ALS2CL: variants seen among roughly 807,000 people sequenced by gnomAD.
ALS2CL encodes ALS2 C-terminal like.
A neutral mutation model predicts 127.9 loss-of-function variants in ALS2CL; 112 were observed. That is an observed-to-expected ratio of 0.88 (90% CI 0.75 to 1.02). The LOEUF (loss-of-function observed/expected upper bound fraction) is 1.02, where lower values mean the gene tolerates loss of function less well. Among genes scored for constraint, ALS2CL ranks in the 50% least tolerant of loss-of-function variants. The probability of loss-of-function intolerance (pLI) is 0.00; values close to 1 mark genes in which losing one functional copy is unlikely to be tolerated. For missense variants in ALS2CL, 1,174 were observed against 1,236.7 expected (o/e 0.95, Z 0.76); for synonymous variants, 519 against 527.6 (o/e 0.98, Z 0.22).
chr3:46,685,469 GCCAGACC>G, intron 7 of ALS2CL, 49 bp downstream of exon 7: 1 of 1,591,604 alleles, frequency 6.3e-7, no homozygotes, highest in South Asian at 1.1e-5. Flanking sequence ...TCCTTTTCCA[GCCAGACC>G]CCAGAACCCT....
chr3:46,676,717 C>A lies in ALS2CL; in HGVS notation c.1953G>T (p.Val651=). ...CCTCCAGGATGTCTTCCATACTGCC[C>A]ACACTGTCCTCAGGGTGGGTCCTGG... The part of the protein sequence containing the change: ...SCERTHPEDS[V]GSMEDILEEL... The change falls in exon 18 of 26, where the codon GTG becomes GTT. Residue 651 remains valine, a synonymous_variant. Transcript: ENST00000318962. 1 of 1,613,714 alleles carries A rather than the reference C, an allele frequency of 6.2e-7. No homozygotes were observed. The highest frequency in any genetic ancestry group is 8.5e-7 in the Non-Finnish European group (1 of 1,179,980).
At chr3:46,674,778 G>C (rs1698678887) in intron 20 of ALS2CL, 39 bp from the exon 21 acceptor site, 14 of 1,545,284 alleles carry the variant, frequency 9.1e-6, no homozygotes, top group Non-Finnish European at 1.2e-5. Flanking sequence ...TGAGCAAGGT[G>C]GGGTCTGGGA....
chr3:46,679,031 C>G (rs951012090), intron 15 of ALS2CL, among the ~76,000 whole-genome samples, 179 bp downstream of exon 15: 3 of 152,182 alleles, frequency 2.0e-5, no homozygotes, highest in Non-Finnish European at 4.4e-5. Context: ...CCTCTCACCT[C>G]ACTCCAGAAT....
In ALS2CL at chr3:46,677,167, A is replaced by G. The variant is rs78124371; in HGVS notation, c.1758-145T>C. ...GAAGGGTGGATGGATTGAACCATGC[A>G]GAGGGGGCTGACCTCCACGGCTCCA... On this transcript the variant is annotated intron_variant, in intron 16 of 25. Transcript: ENST00000318962. The G allele has an allele frequency of 7.5e-4, 1,081 of 1,447,734 alleles. 6 individuals carry two copies. The African/African-American group carries it at 0.014, about 18-fold the overall frequency. 89.7% of individuals were successfully genotyped at this position (1,447,734 alleles called of 1,614,324 possible).
intron 1 of ALS2CL, among the ~76,000 whole-genome samples, chr3:46,691,441 G>A (rs945952668): frequency 2.0e-5 from 3 of 152,004 alleles, no homozygotes; most frequent in South Asian, 2.1e-4. Context: ...TACACTCTCC[G>A]GGGGGCCAGC....
At position 46,689,210 on chromosome 3, in the gene ALS2CL, T is replaced by C. The variant is rs1261958571; in HGVS notation, c.103+128A>G. On this transcript the variant is annotated intron_variant, in intron 2 of 25. Coordinates refer to ENST00000318962, the MANE Select transcript of ALS2CL (RefSeq NM_147129.5). ...CACCACCTGCATCAGAAGATGCTGATACCAGGTGTCACCACTCCTATTTGA... is the reference window on the plus strand; with the variant it reads ...CACCACCTGCATCAGAAGATGCTGACACCAGGTGTCACCACTCCTATTTGA... 6 of 921,072 alleles carry C rather than the reference T, an allele frequency of 6.5e-6. No homozygotes were observed. The African/African-American group carries it at 8.2e-5, about 13-fold the overall frequency. The allele number at this position is 921,072 out of a possible 1,614,324, so 57.1% of individuals were successfully genotyped here.
At chr3:46,689,281 T>C in intron 2 of ALS2CL, 57 bp downstream of exon 2, 1 of 1,566,418 alleles carries the variant, frequency 6.4e-7, no homozygotes, top group Non-Finnish European at 8.7e-7. Flanking sequence ...GTAGGTCTCC[T>C]GTCCCTGGGA....
intron 16 of ALS2CL, chr3:46,677,566 CT>C (rs1321872473): frequency 4.7e-6 from 1 of 210,698 alleles, no homozygotes; most frequent in African/African-American, 2.4e-5. Flanking sequence ...CCAGCTCCTG[CT>C]GTCAGGGAGA....
chr3:46,673,437 G>A, intron 21 of ALS2CL, 56 bp from the exon 22 acceptor site: 1 of 1,525,214 alleles, frequency 6.6e-7, no homozygotes, highest in South Asian at 1.2e-5. Context: ...CAGAGTCTGA[G>A]GTCAGAGGGC....
intron 1 of ALS2CL, among the ~76,000 whole-genome samples, chr3:46,693,200 C>T (rs1209599644): frequency 6.6e-6 from 1 of 152,270 alleles, no homozygotes; most frequent in South Asian, 2.1e-4. Flanking sequence ...CCCTTCCTCT[C>T]CCTGCCCAGG....
At position 46,688,231 on chromosome 3, in the gene ALS2CL, A is replaced by C; in HGVS notation, c.169T>G (p.Ser57Ala). The change falls in exon 3 of 26, where the codon TCC becomes GCC. Residue 57 changes from serine (S) to alanine (A), a missense_variant. By Grantham distance (99) the Ser-to-Ala change is moderately conservative. Coordinates refer to ENST00000318962, the MANE Select transcript of ALS2CL (RefSeq NM_147129.5). ...LRLLQQLHKS[S>A]QQLWEVTEES... ...TCCGTCACCTCCCAGAGTTGCTGGG[A>C]GCTCTTGTGCAGCTGTTGCAAGAGC... is the stretch of plus-strand genomic sequence containing the variant. 6.2e-7 allele frequency: 1 copy of C among 1,612,882 alleles called. No individual in the cohort carries two copies. Among genetic ancestry groups the C allele is most frequent in the Non-Finnish European group, 8.5e-7 (1 of 1,179,976 alleles).
intron 19 of ALS2CL, chr3:46,675,971 C>A: frequency 7.0e-7 from 1 of 1,423,276 alleles, no homozygotes. Context: ...CAGGGCCAAG[C>A]TCAGCCTACA....
rs144978241 is a variant in ALS2CL, at chr3:46,688,120, G to A, written c.280C>T (p.Arg94Cys). 6 of 1,613,182 alleles carry A rather than the reference G, an allele frequency of 3.7e-6. No individual in the cohort carries two copies. Among genetic ancestry groups the A allele is most frequent in the South Asian group, 2.2e-5 (2 of 91,076 alleles). Residue 94 changes from arginine (R) to cysteine (C), a missense_variant, in exon 3 of 26, where the codon CGT (arginine) becomes TGT (cysteine). Arg to Cys is a radical substitution (Grantham distance 180, BLOSUM62 -3). Coordinates refer to ENST00000318962, the MANE Select transcript of ALS2CL (RefSeq NM_147129.5). Reference protein sequence around the residue: ...ESLLLLRGADRVLQAHIEYIE... With the variant: ...ESLLLLRGADCVLQAHIEYIE... ...TACTCTATGTGGGCCTGCAGTACACGGTCAGCACCTCGCAGCAGCAGCAGG... is the reference window on the plus strand; with the variant it reads ...TACTCTATGTGGGCCTGCAGTACACAGTCAGCACCTCGCAGCAGCAGCAGG...
chr3:46,681,251 A>G lies in ALS2CL; in HGVS notation c.1431T>C (p.Gly477=). The G allele has an allele frequency of 6.2e-7, 1 of 1,613,726 alleles. No homozygotes were observed. Among genetic ancestry groups the G allele is most frequent in the Non-Finnish European group, 8.5e-7 (1 of 1,179,940 alleles). ...GGTGGCTGCAGGGCGCTCACCTGTC[A>G]CCATCCTCCTCAATGCCATAGCCGC... ...QRSGYGIEED[G]DRGERYIGMW... The change falls in exon 13 of 26, where the codon GGT becomes GGC. Residue 477 remains glycine (G), a synonymous_variant. Coordinates refer to ENST00000318962, the MANE Select transcript of ALS2CL (RefSeq NM_147129.5). This position sits in a 1 kb window ranked among gnomAD's most constrained non-coding sequence, Gnocchi z 4.9.
chr3:46,689,620 G>A (rs1296891806), intron 1 of ALS2CL, among the ~76,000 whole-genome samples, 155 bp from the exon 2 acceptor site: 1 of 152,246 alleles, frequency 6.6e-6, no homozygotes, highest in Non-Finnish European at 1.5e-5. Flanking sequence ...TCCTGGACTG[G>A]CCACTGACCT....
At position 46,670,908 on chromosome 3, in the gene ALS2CL, G is replaced by GC; in HGVS notation, c.*75dup. ...AGAGCTGCTTCTGAGGGCCTGTCCT[G>GC]CCCCTTGCCTTGGGTAATGAGGGAC... On this transcript the variant is annotated 3_prime_UTR_variant, in exon 26 of 26. Coordinates refer to ENST00000318962, the MANE Select transcript of ALS2CL (RefSeq NM_147129.5). The surrounding 1 kb of genome is among the most constrained non-coding windows in gnomAD (Gnocchi z 5.5). 4 of 1,457,856 alleles carry GC rather than the reference G, an allele frequency of 2.7e-6. No homozygotes were observed. The highest frequency in any genetic ancestry group is 2.9e-6 in the Non-Finnish European group (3 of 1,040,608). The allele number at this position is 1,457,856 out of a possible 1,614,324, so 90.3% of individuals were successfully genotyped here. A position where few individuals can be genotyped will look rare whatever the true frequency, so the allele number is the denominator to read the frequency against.
chr3:46,672,030 G>A lies in ALS2CL; in HGVS notation c.2538C>T (p.Thr846=). 6.2e-7 allele frequency: 1 copy of A among 1,613,930 alleles called. No homozygotes were observed. The highest frequency in any genetic ancestry group is 8.5e-7 in the Non-Finnish European group (1 of 1,180,014). The change falls in exon 24 of 26, where the codon ACC becomes ACT. Residue 846 remains threonine, a synonymous_variant. Transcript: ENST00000318962. Reference sequence around the variant, plus strand: ...CCAGCTTCTCCCGTGGGTCCACCGTGGTCCTGCAGCAGGGTAGCTGGCTCC... The same window carrying A: ...CCAGCTTCTCCCGTGGGTCCACCGTAGTCCTGCAGCAGGGTAGCTGGCTCC... ...SATECLQKIM[T]TVDPREKLEV...
Position 46,687,037 on chromosome 3 carries a change from AT to A in ALS2CL, c.479del (p.His160LeufsTer11), listed in dbSNP as rs749336356. On this transcript the variant is annotated frameshift_variant, in exon 5 of 26. Transcript: ENST00000318962. LOFTEE classifies it high-confidence loss of function. ...LGQALHQPLA[H>X]HVQQYVLLLL... is the part of the protein sequence containing the mutation. Reference sequence around the variant, plus strand: ...GGAGGAGCACGTACTGTTGCACGTGATGGGCGAGTGGCTGGTGGAGGGCCTG... The same window carrying A: ...GGAGGAGCACGTACTGTTGCACGTGAGGGCGAGTGGCTGGTGGAGGGCCTG... The A allele has an allele frequency of 4.4e-5, 71 of 1,605,048 alleles. No individual in the cohort carries two copies. Among genetic ancestry groups the A allele is most frequent in the Non-Finnish European group, 5.5e-5 (65 of 1,179,124 alleles).
rs1469560042 is a variant in ALS2CL at position 46,679,208 on chromosome 3, A to C, written c.1626+2T>G. 11 of 1,560,168 alleles carry C rather than the reference A, an allele frequency of 7.1e-6. No individual in the cohort carries two copies. In the African/African-American group the frequency reaches 8.2e-5, roughly 12 times the overall value. On this transcript the variant is annotated splice_donor_variant, in intron 15 of 25. Transcript: ENST00000318962. LOFTEE classifies it high-confidence loss of function. ...GTGGAGGGGGGCCTCAGTGGTCCTC[A>C]CCTTCCCCATGAGGGTCAGGTCCCT...
Sources: gnomAD v4.1 joint callset for allele counts (sites outside exome capture counted in the v4.1 genomes callset) on GRCh38, gnomAD v4.1.1 for gene constraint, Gnocchi (gnomAD v3.1) non-coding constraint, MANE v1.5 for transcripts, NCBI Gene and HGNC (gene_info 2026-07-23, HGNC 2026-07-21) for gene names.